CSMD1: variants seen among roughly 807,000 people sequenced by gnomAD.
CSMD1 encodes CUB and sushi domain-containing protein 1.
Under a neutral mutation model 417.5 loss-of-function variants are expected in CSMD1, and 213 were observed. That is an observed-to-expected ratio of 0.51 (90% confidence interval 0.46 to 0.57). CSMD1 has a LOEUF of 0.57. Ranked by LOEUF, CSMD1 falls within the 20% of genes least tolerant of loss-of-function variation. The pLI, the probability that CSMD1 is intolerant of heterozygous loss-of-function variation, is 0.00. For synonymous variants in CSMD1, 2,862 were observed against 1,736.8 expected, an observed-to-expected ratio of 1.65 and a Z score of -16.11; for missense variants, 6,923 against 4,529.7, an observed-to-expected ratio of 1.53 and a Z score of -15.17.
chr8:3,347,334 G>C (rs1015707938), intron 22 of CSMD1, among the ~76,000 whole-genome samples: 1 of 152,150 alleles, frequency 6.6e-6, no homozygotes, highest in African/African-American at 2.4e-5. Context: ...AATTATATCA[G>C]GACTCTTAGA....
chr8:4,942,215 T>A (rs1038951221), intron 1 of CSMD1, among the ~76,000 whole-genome samples: 87 of 152,250 alleles, frequency 5.7e-4, no homozygotes, highest in African/African-American at 2.0e-3. Context: ...CAGACACATA[T>A]AAACCAGGCT....
chr8:4,100,955 G>T (rs376629122), intron 3 of CSMD1, among the ~76,000 whole-genome samples: 1 of 152,194 alleles, frequency 6.6e-6, no homozygotes. Flanking sequence ...AGTATTGTCT[G>T]TAATCACTCC....
chr8:3,449,060 A>C (rs1017933957), intron 12 of CSMD1, among the ~76,000 whole-genome samples: 31 of 152,248 alleles, frequency 2.0e-4, no homozygotes, highest in Non-Finnish European at 1.5e-5. Context: ...GGAAAGGATC[A>C]CATGAAAACT....
intron 3 of CSMD1, among the ~76,000 whole-genome samples, chr8:4,228,841 C>G (rs949115147): frequency 2.0e-5 from 3 of 151,800 alleles, no homozygotes; most frequent in Admixed American, 6.6e-5. Flanking sequence ...ACCACTGTGC[C>G]CAGCTAATTT....
chr8:4,801,078 A>G (rs2117282605), intron 1 of CSMD1, among the ~76,000 whole-genome samples: 1 of 152,352 alleles, frequency 6.6e-6, no homozygotes, highest in Non-Finnish European at 1.5e-5. Flanking sequence ...TACAGATCTG[A>G]AATGATAAAT....
intron 2 of CSMD1, among the ~76,000 whole-genome samples, chr8:4,552,935 C>G (rs1796363123): frequency 6.6e-6 from 1 of 152,192 alleles, no homozygotes; most frequent in Non-Finnish European, 1.5e-5. Flanking sequence ...CCAGAAGGGC[C>G]AGGCCTTCCC....
At chr8:3,520,039 T>TATATATATACACACAC (rs545212684) in intron 10 of CSMD1, among the ~76,000 whole-genome samples, 5 of 147,110 alleles carry the variant, frequency 3.4e-5, no homozygotes, top group African/African-American at 1.3e-4. Flanking sequence ...TATATATATA[T>TATATATATACACACAC]ACACGTATAG....
chr8:3,308,640 G>T (rs939163260), intron 23 of CSMD1, 137 bp from the exon 24 acceptor site: 3 of 642,142 alleles, frequency 4.7e-6, no homozygotes, highest in East Asian at 5.7e-5. Flanking sequence ...TTACAAAGGG[G>T]AAAAGAAAGA....
chr8:3,271,433 G>C (rs1314145669), intron 26 of CSMD1, among the ~76,000 whole-genome samples: 2 of 150,942 alleles, frequency 1.3e-5, no homozygotes, highest in South Asian at 2.1e-4. Context: ...TATTCCTTTG[G>C]GTATATACCC....
At chr8:4,169,705 G>GC (rs1554479236) in intron 3 of CSMD1, among the ~76,000 whole-genome samples, 8 of 152,112 alleles carry the variant, frequency 5.3e-5, no homozygotes, top group Non-Finnish European at 1.2e-4. Flanking sequence ...CCTGTGCATG[G>GC]CTTGCTCCCT....
At chr8:3,180,546 C>T (rs974667906) in intron 37 of CSMD1, among the ~76,000 whole-genome samples, 1 of 152,112 alleles carries the variant, frequency 6.6e-6, no homozygotes, top group Non-Finnish European at 1.5e-5. Flanking sequence ...ATACAAACAA[C>T]CTGAAATTAT....
At chr8:4,862,803 G>A (rs1307730065) in intron 1 of CSMD1, among the ~76,000 whole-genome samples, 1 of 152,022 alleles carries the variant, frequency 6.6e-6, no homozygotes, top group East Asian at 1.9e-4. Context: ...CAGCCTAAAG[G>A]GATTTGGGGT....
Position 4,604,410 on chromosome 8 carries a change from T to TGTGTGTGTGTGTGTGC in CSMD1, c.302+32931_302+32932insGCACACACACACACAC, listed in dbSNP as rs59349269. The stretch of plus-strand genomic sequence containing the variant: ...GTGTGTGTGTGTGTGTGTGTGTGTG[T>TGTGTGTGTGTGTGTGC]GCGCGTGCGTAAAGACTAGGATCTC... On this transcript the variant is annotated intron_variant, in intron 2 of 69. Transcript: ENST00000635120. Among the ~76,000 whole-genome samples the TGTGTGTGTGTGTGTGC allele has an allele frequency of 5.8e-3, 845 of 146,194 alleles. 18 individuals carry two copies. Among genetic ancestry groups the TGTGTGTGTGTGTGTGC allele is most frequent in the African/African-American group, 0.02 (799 of 39,850 alleles).
intron 1 of CSMD1, among the ~76,000 whole-genome samples, chr8:4,931,633 C>G (rs1807257889): frequency 6.6e-6 from 1 of 152,156 alleles, no homozygotes; most frequent in Admixed American, 6.5e-5. Flanking sequence ...CATAAAACAT[C>G]TACCTCCTTT....
chr8:3,208,552 A>G (rs1338407132), intron 30 of CSMD1, among the ~76,000 whole-genome samples: 1 of 152,164 alleles, frequency 6.6e-6, no homozygotes, highest in Non-Finnish European at 1.5e-5. Flanking sequence ...GGGCTGAGCC[A>G]CCACGCCCGG....
At chr8:4,633,527 G>A (rs964346842) in intron 2 of CSMD1, among the ~76,000 whole-genome samples, 10 of 151,008 alleles carry the variant, frequency 6.6e-5, no homozygotes, top group African/African-American at 2.2e-4. Flanking sequence ...GGGATTACAG[G>A]TAAGAGCCGC....
intron 40 of CSMD1, 83 bp from the exon 41 acceptor site, chr8:3,142,757 G>A (rs958493859): frequency 4.6e-5 from 52 of 1,141,744 alleles, no homozygotes; most frequent in Non-Finnish European, 6.2e-5. Flanking sequence ...TGAAGTGTTA[G>A]CAGTCTCCCC....
At chr8:3,853,896 T>G (rs62482679) in intron 5 of CSMD1, among the ~76,000 whole-genome samples, 1 of 145,580 alleles carries the variant, frequency 6.9e-6, no homozygotes, top group African/African-American at 2.5e-5. Context: ...ATATTATACT[T>G]TAATATATTA....
intron 10 of CSMD1, among the ~76,000 whole-genome samples, chr8:3,535,033 C>G (rs11776344): frequency 3.9e-5 from 6 of 151,978 alleles, no homozygotes; most frequent in African/African-American, 1.5e-4. Flanking sequence ...CCGTAGCATT[C>G]AACTCCTGGG....
Sources: allele counts gnomAD v4.1 joint callset (sites outside exome capture counted in the v4.1 genomes callset), GRCh38; gene constraint gnomAD v4.1.1; transcripts MANE v1.5; gene names NCBI Gene and HGNC (gene_info 2026-07-23, HGNC 2026-07-21).